The following HAUS8 variants were observed in gnomAD, a reference collection of about 807,000 sequenced individuals.
HAUS8 encodes HAUS augmin-like complex subunit 8.
In HAUS8, 38 loss-of-function variants were observed where a neutral mutation model predicts 42.9. That is an observed-to-expected ratio of 0.89 (90% CI 0.68 to 1.16). The LOEUF (loss-of-function observed/expected upper bound fraction) is 1.16. Ranked by LOEUF, HAUS8 falls within the 50% of genes most tolerant of loss-of-function variation. The pLI is 0.00. For missense variants in HAUS8, 494 were observed against 511.6 expected (o/e 0.97, Z 0.33); for synonymous variants, 199 against 205.8 (o/e 0.97, Z 0.28).
chr19:17,057,830 G>C (rs145259544), intron 8 of HAUS8, among the ~76,000 whole-genome samples: 1 of 152,168 alleles, frequency 6.6e-6, no homozygotes, highest in African/African-American at 2.4e-5. Flanking sequence ...TGATAGGGGG[G>C]TTGTAGGGGG....
At chr19:17,064,333 A>G (rs908886345) in intron 3 of HAUS8, among the ~76,000 whole-genome samples, 1 of 152,258 alleles carries the variant, frequency 6.6e-6, no homozygotes, top group South Asian at 2.1e-4. Flanking sequence ...TATGGATTCA[A>G]TATAATCAAA....
chr19:17,053,024 C>CA, intron 9 of HAUS8, 58 bp from the exon 10 acceptor site: 1 of 1,607,218 alleles, frequency 6.2e-7, no homozygotes, highest in Non-Finnish European at 8.5e-7. Flanking sequence ...GCAAGGCACA[C>CA]ACAAGTGGAG....
chr19:17,058,584 TCTGA>T lies in HAUS8; in HGVS notation c.606_609del (p.Gln203GlyfsTer46). On this transcript the variant is annotated frameshift_variant, in exon 8 of 11. Coordinates refer to ENST00000253669, the MANE Select transcript of HAUS8 (RefSeq NM_033417.2). LOFTEE classifies it high-confidence loss of function. ...AGGACATCTGCCAGCTCCCGCTTCC[TCTGA>T]GAGAGGAGAAGCCTGCGCTTCAGCT... The T allele has an allele frequency of 6.2e-7, 1 of 1,610,500 alleles. No homozygotes were observed. Among genetic ancestry groups the T allele is most frequent in the Non-Finnish European group, 8.5e-7 (1 of 1,178,802 alleles).
At chr19:17,053,308 A>T (rs2057299356) in intron 9 of HAUS8, 5 of 302,006 alleles carry the variant, frequency 1.7e-5, no homozygotes, top group Non-Finnish European at 2.5e-5. Flanking sequence ...GAGCAACTGA[A>T]AAACAGTCCT....
intron 3 of HAUS8, among the ~76,000 whole-genome samples, chr19:17,063,726 C>G (rs1184657425): frequency 6.6e-6 from 1 of 152,150 alleles, no homozygotes; most frequent in Non-Finnish European, 1.5e-5. Flanking sequence ...TACAACAAAA[C>G]AGTGGAAGGA....
At chr19:17,070,183 C>A (rs920383122) in intron 2 of HAUS8, among the ~76,000 whole-genome samples, 1 of 151,906 alleles carries the variant, frequency 6.6e-6, no homozygotes, top group African/African-American at 2.4e-5. Context: ...CCTTGAATCC[C>A]GCCCCCCACA....
intron 9 of HAUS8, among the ~76,000 whole-genome samples, chr19:17,054,464 G>A (rs2057307427): frequency 6.6e-6 from 1 of 151,046 alleles, no homozygotes; most frequent in Non-Finnish European, 1.5e-5. Flanking sequence ...AGATCAGCCT[G>A]GGCAACATAG....
At position 17,062,734 on chromosome 19, in the gene HAUS8, C is replaced by T. The variant is rs772545319; in HGVS notation, c.193G>A (p.Gly65Ser). 1 of 1,614,182 alleles carries T rather than the reference C, an allele frequency of 6.2e-7. No homozygotes were observed. The highest frequency in any genetic ancestry group is 8.5e-7 in the Non-Finnish European group (1 of 1,180,018). Residue 65 changes from glycine (G) to serine (S), a missense_variant, in exon 4 of 11, where the codon GGT becomes AGT. By Grantham distance (56) the Gly-to-Ser change is moderately conservative (BLOSUM62 0). Transcript: ENST00000253669. Reference protein sequence around the residue: ...GSQTRGKMSEGGRKSSLLQKS... With the variant: ...GSQTRGKMSESGRKSSLLQKS... ...TGGAGCAGGCTGGATTTCCTTCCAC[C>T]TTCAGACATCTTCCCTCGGGTCTGT... is the stretch of plus-strand genomic sequence containing the variant.
intron 10 of HAUS8, among the ~76,000 whole-genome samples, chr19:17,051,047 G>GA (rs1360390466): frequency 6.6e-6 from 1 of 152,100 alleles, no homozygotes; most frequent in Non-Finnish European, 1.5e-5. Context: ...GCAATGAAAT[G>GA]AAATCCTGTC....
Position 17,052,963 on chromosome 19 carries a change from G to A in HAUS8, c.791C>T (p.Ala264Val), listed in dbSNP as rs771023386. The change falls in exon 10 of 11, where the codon GCC becomes GTC. Residue 264 changes from alanine to valine, a missense_variant. Ala to Val is a moderately conservative substitution (Grantham distance 64). Transcript: ENST00000253669. ...LEGDGQQLLD[A>V]LQHELVTTQR... ...AGTGGTCACCAGTTCATGCTGCAGG[G>A]CGTCTGGAGGGGAAGAGGGATGGTG... is the stretch of plus-strand genomic sequence containing the variant. The A allele has an allele frequency of 6.2e-6, 10 of 1,614,146 alleles. No individual in the cohort carries two copies. The highest frequency in any genetic ancestry group is 8.5e-6 in the Non-Finnish European group (10 of 1,179,988).
At chr19:17,061,133 CTTT>C (rs5827355) in intron 4 of HAUS8, among the ~76,000 whole-genome samples, 60 of 140,750 alleles carry the variant, frequency 4.3e-4, no homozygotes, top group Non-Finnish European at 4.3e-4. Context: ...TGGAAATTTT[CTTT>C]TTTTTTTTTT....
chr19:17,055,574 G>A lies in HAUS8; in HGVS notation c.787+287C>T, dbSNP rs1053204113. ...GGTCTTGTCACCCCCCAACCACTAC[G>A]GCATATTTGTTGGGAGCAGGACTCA... is the stretch of plus-strand genomic sequence containing the variant. On this transcript the variant is annotated intron_variant, in intron 9 of 10. Transcript: ENST00000253669. Among the ~76,000 whole-genome samples the A allele has an allele frequency of 3.9e-5, 6 of 152,000 alleles. No individual in the cohort carries two copies. In the South Asian group the frequency reaches 6.2e-4, roughly 16 times the overall value.
Position 17,049,844 on chromosome 19 carries a change from T to C in HAUS8, c.*29A>G. The C allele has an allele frequency of 1.4e-6, 2 of 1,425,756 alleles. No homozygotes were observed. Among genetic ancestry groups the C allele is most frequent in the Non-Finnish European group, 1.9e-6 (2 of 1,080,140 alleles). The allele number at this position is 1,425,756 out of a possible 1,614,324, so 88.3% of individuals were successfully genotyped here. A position where few individuals can be genotyped will look rare whatever the true frequency, so the allele number is the denominator to read the frequency against. On this transcript the variant is annotated 3_prime_UTR_variant, in exon 11 of 11. Transcript: ENST00000253669. ...TACAGTGCTACGGTAGTATATAAAG[T>C]GCTCAAGTATCCTGAATGTAACCAT...
In HAUS8 at chr19:17,058,563, C is replaced by T; in HGVS notation, c.631G>A (p.Val211Ile). The change falls in exon 8 of 11, where the codon GTC (valine) becomes ATC (isoleucine). Residue 211 changes from valine (V) to isoleucine (I), a missense_variant. Coordinates refer to ENST00000253669, the MANE Select transcript of HAUS8 (RefSeq NM_033417.2). Reference protein sequence around the residue: ...LSQRKRELADVLDAQIEMLSP... With the variant: ...LSQRKRELADILDAQIEMLSP... ...TTACAACTGACCTGGGCATCCAGGA[C>T]ATCTGCCAGCTCCCGCTTCCTCTGA... 2 of 1,600,788 alleles carry T rather than the reference C, an allele frequency of 1.2e-6. No homozygotes were observed. Among genetic ancestry groups the T allele is most frequent in the Non-Finnish European group, 8.5e-7 (1 of 1,175,566 alleles).
At chr19:17,068,922 G>T in intron 3 of HAUS8, 109 bp downstream of exon 3, 1 of 926,920 alleles carries the variant, frequency 1.1e-6, no homozygotes, top group Non-Finnish European at 1.7e-6. Context: ...ATCCCAAAAT[G>T]CTTCCTTCAG....
rs550206542 is a variant in HAUS8, at chr19:17,058,794, C to T, written c.486+17G>A. On this transcript the variant is annotated intron_variant, in intron 7 of 10. Coordinates refer to ENST00000253669, the MANE Select transcript of HAUS8 (RefSeq NM_033417.2). ...CCCTTCCATCCATGGCATACGTGAA[C>T]AAGAAACTGTTTTCACCTTTACGGA... 7 of 1,611,654 alleles carry T rather than the reference C, an allele frequency of 4.3e-6. No homozygotes were observed. The South Asian group carries it at 6.6e-5, about 15-fold the overall frequency.
intron 1 of HAUS8, 72 bp downstream of exon 1, chr19:17,075,322 C>T (rs1600000351): frequency 1.2e-5 from 19 of 1,560,320 alleles, no homozygotes; most frequent in Non-Finnish European, 1.6e-5. Flanking sequence ...GTCCTAACTC[C>T]CCACCTCCGC....
chr19:17,067,663 G>A (rs952461265), intron 3 of HAUS8, among the ~76,000 whole-genome samples: 1 of 152,158 alleles, frequency 6.6e-6, no homozygotes, highest in African/African-American at 2.4e-5. Context: ...TTTGGAGCGT[G>A]GAAGACTGTG....
rs1426555666 is a variant in HAUS8, at chr19:17,075,449, AC to A, written c.-28del. On this transcript the variant is annotated 5_prime_UTR_variant, in exon 1 of 11. Coordinates refer to ENST00000253669, the MANE Select transcript of HAUS8 (RefSeq NM_033417.2). The stretch of plus-strand genomic sequence containing the variant: ...TTCCCGCCTTCCACCTCAAGGCCCG[AC>A]CCGCCGGCTTTTCAAAGCCGGACCC... 1 of 1,612,730 alleles carries A rather than the reference AC, an allele frequency of 6.2e-7. No individual in the cohort carries two copies. The highest frequency in any genetic ancestry group is 1.1e-5 in the South Asian group (1 of 91,068).
Sources: gnomAD v4.1 joint callset for allele counts (sites outside exome capture counted in the v4.1 genomes callset) on GRCh38, gnomAD v4.1.1 for gene constraint, MANE v1.5 for transcripts, NCBI Gene and HGNC (gene_info 2026-07-23, HGNC 2026-07-21) for gene names.